Variants in EYS observed in about 807,000 individuals in gnomAD.
The protein encoded by EYS is protein eyes shut homolog.
EYS carries 250 observed loss-of-function variants against 282.1 expected under a neutral mutation model. The ratio of observed to expected loss-of-function variants is 0.89; its 90% CI spans 0.80 to 0.98. The LOEUF is 0.98. Among genes scored for constraint, EYS ranks in the 50% least tolerant of loss-of-function variants. EYS has a pLI of 0.00. For missense variants in EYS, 4,016 were observed against 3,709.0 expected (o/e 1.08, Z -2.15); for synonymous variants, 1,355 against 1,282.9 (o/e 1.06, Z -1.20).
At chr6:64,742,179 T>C (rs559081265) in intron 22 of EYS, among the ~76,000 whole-genome samples, 1 of 151,754 alleles carries the variant, frequency 6.6e-6, no homozygotes, top group South Asian at 2.1e-4. Flanking sequence ...AATTTTAATA[T>C]TTTTATGTCT....
intron 12 of EYS, among the ~76,000 whole-genome samples, chr6:65,226,960 T>A (rs1417806634): frequency 1.3e-5 from 2 of 152,050 alleles, no homozygotes; most frequent in Admixed American, 6.6e-5. Flanking sequence ...AGTGGCCTAG[T>A]GCAGTGGCTC....
chr6:65,180,819 A>G (rs1765360561), intron 12 of EYS, among the ~76,000 whole-genome samples: 1 of 152,188 alleles, frequency 6.6e-6, no homozygotes, highest in Admixed American at 6.6e-5. Flanking sequence ...CTACAAGGCT[A>G]CAGTAACCAA....
chr6:64,106,957 C>T (rs182579963), intron 31 of EYS, among the ~76,000 whole-genome samples: 1 of 151,748 alleles, frequency 6.6e-6, no homozygotes, highest in African/African-American at 2.4e-5. Flanking sequence ...GCCCAGTCTA[C>T]TAAGCCCATA....
chr6:65,417,696 T>G (rs906461936), intron 5 of EYS, among the ~76,000 whole-genome samples: 1 of 152,036 alleles, frequency 6.6e-6, no homozygotes, highest in South Asian at 2.1e-4. Context: ...AACCACACAG[T>G]GCTTTAAGCC....
intron 36 of EYS, among the ~76,000 whole-genome samples, chr6:63,861,056 A>T (rs1319561482): frequency 6.6e-6 from 1 of 152,182 alleles, no homozygotes; most frequent in Non-Finnish European, 1.5e-5. Flanking sequence ...GCTTCAGAGC[A>T]CCAGCATCAT....
intron 2 of EYS, among the ~76,000 whole-genome samples, chr6:65,580,548 G>A (rs1318135063): frequency 6.6e-6 from 1 of 151,958 alleles, no homozygotes; most frequent in East Asian, 1.9e-4. Flanking sequence ...TAACTAATCA[G>A]TCATAGATAA....
rs116104585 is a variant in EYS, at chr6:64,306,501, A to G, written c.6191+469T>C. Among the ~76,000 whole-genome samples, 1,092 of 152,286 alleles carry G rather than the reference A, an allele frequency of 7.2e-3. 9 individuals are homozygous for G. Among genetic ancestry groups the G allele is most frequent in the African/African-American group, 0.025 (1,046 of 41,572 alleles). On this transcript the variant is annotated intron_variant, in intron 30 of 42. Coordinates refer to ENST00000503581, the MANE Select transcript of EYS (RefSeq NM_001142800.2). Reference sequence around the variant, plus strand: ...ATGTGTTATCTCTTTAGTTCACCCAATTCAAAGCCATGTTTGGAGATTTCT... The same window carrying G: ...ATGTGTTATCTCTTTAGTTCACCCAGTTCAAAGCCATGTTTGGAGATTTCT...
At chr6:64,351,528 G>A (rs569658081) in intron 29 of EYS, among the ~76,000 whole-genome samples, 2 of 151,090 alleles carry the variant, frequency 1.3e-5, no homozygotes, top group African/African-American at 2.4e-5. Context: ...ATGACTATCC[G>A]CCTATAGATA....
chr6:64,786,119 C>G (rs1385584214), intron 22 of EYS, among the ~76,000 whole-genome samples: 1 of 150,542 alleles, frequency 6.6e-6, no homozygotes, highest in African/African-American at 2.4e-5. Context: ...TCAGGTTTTA[C>G]AATGAGCCCA....
At chr6:65,285,161 A>G (rs1343539202) in intron 12 of EYS, among the ~76,000 whole-genome samples, 2 of 152,038 alleles carry the variant, frequency 1.3e-5, no homozygotes, top group East Asian at 3.9e-4. Flanking sequence ...TAAAACATCA[A>G]ATAAACCCTT....
At chr6:63,898,262 G>T (rs1773582855) in intron 35 of EYS, among the ~76,000 whole-genome samples, 1 of 152,168 alleles carries the variant, frequency 6.6e-6, no homozygotes, top group South Asian at 2.1e-4. Context: ...GCTGAGGCGG[G>T]TGGGTCACGA....
rs151030414 is a variant in EYS, at chr6:64,141,530, A to G, written c.6425-59528T>C. On this transcript the variant is annotated intron_variant, in intron 31 of 42. Coordinates refer to ENST00000503581, the MANE Select transcript of EYS (RefSeq NM_001142800.2). ...TTTTTTTATTTTTATTTTTTTGCCA[A>G]TGAACAAAAATGACTGCTTGGAAGA... Among the ~76,000 whole-genome samples the G allele has an allele frequency of 4.6e-3, 700 of 152,276 alleles. 4 individuals are homozygous for G. The highest frequency in any genetic ancestry group is 0.016 in the African/African-American group (659 of 41,542).
At chr6:64,904,858 G>A (rs1767774834) in intron 16 of EYS, among the ~76,000 whole-genome samples, 2 of 152,230 alleles carry the variant, frequency 1.3e-5, no homozygotes, top group South Asian at 4.1e-4. Context: ...TTCTGAGATG[G>A]AGTTTTGTTA....
At chr6:65,505,686 T>A (rs1046877124) in intron 2 of EYS, among the ~76,000 whole-genome samples, 1 of 152,170 alleles carries the variant, frequency 6.6e-6, no homozygotes, top group South Asian at 2.1e-4. Context: ...AAATTTCAAA[T>A]AATTTGACAT....
At chr6:64,808,088 C>T (rs1165110642) in intron 22 of EYS, among the ~76,000 whole-genome samples, 2 of 149,650 alleles carry the variant, frequency 1.3e-5, no homozygotes, top group Admixed American at 6.7e-5. Flanking sequence ...CCCTTCCTCC[C>T]TTCCCTTCTT....
rs79492638 is a variant in EYS, at chr6:63,980,912, A to G, written c.7055+3471T>C. On this transcript the variant is annotated intron_variant, in intron 35 of 42. Coordinates refer to ENST00000503581, the MANE Select transcript of EYS (RefSeq NM_001142800.2). ...TTTGGCTTCGGCTAACAACATAGAT[A>G]GGAAGTGGGTTACCAAAATCATGAA... Among the ~76,000 whole-genome samples the G allele has an allele frequency of 3.6e-3, 554 of 152,018 alleles. 5 individuals are homozygous for G. Among genetic ancestry groups the G allele is most frequent in the Non-Finnish European group, 6.2e-3 (422 of 67,892 alleles).
chr6:64,198,018 A>C (rs1321624115), intron 31 of EYS, among the ~76,000 whole-genome samples: 4 of 151,464 alleles, frequency 2.6e-5, no homozygotes, highest in Admixed American at 6.6e-5. Flanking sequence ...TTTGAGACGG[A>C]GTCTCGCTCT....
chr6:64,219,554 A>T (rs961629636), intron 31 of EYS, among the ~76,000 whole-genome samples: 2 of 152,180 alleles, frequency 1.3e-5, no homozygotes, highest in African/African-American at 4.8e-5. Context: ...TACCCAGTAA[A>T]GGGATAGCTG....
At chr6:63,809,401 C>T (rs1019872019) in intron 36 of EYS, among the ~76,000 whole-genome samples, 8 of 152,288 alleles carry the variant, frequency 5.3e-5, no homozygotes, top group African/African-American at 1.7e-4. Flanking sequence ...ATCATCTAAT[C>T]AGGAAATTGA....
Sources: gnomAD v4.1 joint callset for allele counts (sites outside exome capture counted in the v4.1 genomes callset) on GRCh38, gnomAD v4.1.1 for gene constraint, MANE v1.5 for transcripts, NCBI Gene and HGNC (gene_info 2026-07-23, HGNC 2026-07-21) for gene names.